RHBDD3: variants seen among roughly 807,000 people sequenced by gnomAD.
RHBDD3 encodes rhomboid domain-containing protein 3.
Under a neutral mutation model 32.3 loss-of-function variants are expected in RHBDD3, and 34 were observed. The ratio of observed to expected loss-of-function variants is 1.05; its 90% CI spans 0.80 to 1.40. The LOEUF (loss-of-function observed/expected upper bound fraction) is 1.40, where lower values mean the gene tolerates loss of function less well. RHBDD3 is among the 40% of genes most tolerant of loss of function. RHBDD3 has a pLI of 0.00. For synonymous variants in RHBDD3, 249 were observed against 239.1 expected, an observed-to-expected ratio of 1.04 and a Z score of -0.38; for missense variants, 482 against 492.6, an observed-to-expected ratio of 0.98 and a Z score of 0.20.
intron 3 of RHBDD3, chr22:29,265,237 G>C (rs1433231515): frequency 7.7e-6 from 3 of 388,100 alleles, no homozygotes; most frequent in Non-Finnish European, 1.4e-5. Flanking sequence ...AAAGCTGCTA[G>C]AAAGGGAAAC....
rs1285936612 is a variant in RHBDD3 at position 29,260,248 on chromosome 22, T to TG, written c.984-12dup. On this transcript the variant is annotated splice_polypyrimidine_tract_variant and intron_variant, in intron 6 of 6. Coordinates refer to ENST00000216085, the MANE Select transcript of RHBDD3 (RefSeq NM_012265.3). ...TCCAGCTGCTGCAGCCTGTTGGGGG[T>TG]GGGGGGAGAAGTGGGGAGTGTCAGG... is the stretch of plus-strand genomic sequence containing the variant. The TG allele has an allele frequency of 1.2e-6, 2 of 1,601,332 alleles. No individual in the cohort carries two copies. Among genetic ancestry groups the TG allele is most frequent in the Non-Finnish European group, 1.7e-6 (2 of 1,174,782 alleles).
At chr22:29,268,002 C>G (rs887502628), upstream of RHBDD3, 2 of 407,308 alleles carry the variant, frequency 4.9e-6, no homozygotes, top group Non-Finnish European at 4.6e-6. Context: ...CTTCAGCGAC[C>G]GTCCCTAGAG....
chr22:29,263,685 C>T (rs1406253615), intron 4 of RHBDD3, 150 bp downstream of exon 4: 3 of 1,368,326 alleles, frequency 2.2e-6, no homozygotes, highest in Non-Finnish European at 2.9e-6. Context: ...AGAGCATGTC[C>T]CAGAGGAAGA....
At chr22:29,261,001 A>G in intron 4 of RHBDD3, 137 bp from the exon 5 acceptor site, 1 of 863,500 alleles carries the variant, frequency 1.2e-6, no homozygotes, top group Non-Finnish European at 1.7e-6. Flanking sequence ...CCAGCATGGA[A>G]TAGCGTCACC....
rs2058151559 is a variant in RHBDD3, at chr22:29,264,166, G to A, written c.201C>T (p.Leu67=). 2.5e-6 allele frequency: 4 copies of A among 1,584,772 alleles called. No homozygotes were observed. Among genetic ancestry groups the A allele is most frequent in the Non-Finnish European group, 1.7e-6 (2 of 1,167,064 alleles). Residue 67 remains leucine (L), a synonymous_variant, in exon 4 of 7, where the codon CTC becomes CTT. Transcript: ENST00000216085. ...ALGHTALPGL[L]LSLLLLPTVG... ...CAGTGGGCAGGAGCAGCAGGCTCAG[G>A]AGCAGGCCTGGCAGGGCCGTGTGGC...
At position 29,265,660 on chromosome 22, in the gene RHBDD3, G is replaced by A; in HGVS notation, c.-34C>T. The A allele has an allele frequency of 6.4e-7, 1 of 1,553,014 alleles. No individual in the cohort carries two copies. Among genetic ancestry groups the A allele is most frequent in the South Asian group, 1.2e-5 (1 of 81,270 alleles). On this transcript the variant is annotated 5_prime_UTR_variant, in exon 3 of 7. Coordinates refer to ENST00000216085, the MANE Select transcript of RHBDD3 (RefSeq NM_012265.3). ...TGAGGACGGTCAAGGGTGGTCCTGG[G>A]GCTGTGTGCTGGGGATAAAAGAAAA...
At chr22:29,264,854 T>C (rs955031500) in intron 3 of RHBDD3, among the ~76,000 whole-genome samples, 1 of 152,088 alleles carries the variant, frequency 6.6e-6, no homozygotes, top group Non-Finnish European at 1.5e-5. Context: ...CTTGGCTCAC[T>C]GCAAGCTCCG....
rs1350690637 is a variant in RHBDD3 at position 29,260,245 on chromosome 22, G to A, written c.984-8C>T. The A allele has an allele frequency of 1.2e-6, 2 of 1,602,030 alleles. No homozygotes were observed. The highest frequency in any genetic ancestry group is 1.7e-6 in the Non-Finnish European group (2 of 1,175,100). On this transcript the variant is annotated splice_polypyrimidine_tract_variant and splice_region_variant and intron_variant, in intron 6 of 6. Coordinates refer to ENST00000216085, the MANE Select transcript of RHBDD3 (RefSeq NM_012265.3). ...CGCTCCAGCTGCTGCAGCCTGTTGG[G>A]GGTGGGGGGAGAAGTGGGGAGTGTC...
At chr22:29,262,230 C>T (rs939346426) in intron 4 of RHBDD3, among the ~76,000 whole-genome samples, 2 of 146,756 alleles carry the variant, frequency 1.4e-5, no homozygotes, top group Admixed American at 7.0e-5. Flanking sequence ...AACCTCTCTC[C>T]TGGGTTCCAG....
At chr22:29,260,913 AG>A in intron 4 of RHBDD3, 49 bp from the exon 5 acceptor site, 1 of 1,491,060 alleles carries the variant, frequency 6.7e-7, no homozygotes, top group South Asian at 1.4e-5. Context: ...AAAAGCAGCC[AG>A]GGGTGGGCCC....
At chr22:29,265,751 C>A in intron 2 of RHBDD3, 83 bp from the exon 3 acceptor site, 2 of 1,336,102 alleles carry the variant, frequency 1.5e-6, no homozygotes, top group Non-Finnish European at 2.0e-6. Context: ...ATCAACAGCC[C>A]TATTTTACAG....
chr22:29,265,904 G>A (rs1013374349), intron 2 of RHBDD3, among the ~76,000 whole-genome samples: 1 of 152,034 alleles, frequency 6.6e-6, no homozygotes, highest in African/African-American at 2.4e-5. Context: ...AGACTTCTGA[G>A]TCCTGATAGG....
rs997039012 is a variant in RHBDD3, at chr22:29,263,925, ACAGCCACGGTGG to A, written c.430_441del (p.Pro144_Leu147del). 2.6e-6 allele frequency: 4 copies of A among 1,549,938 alleles called. No homozygotes were observed. Among genetic ancestry groups the A allele is most frequent in the South Asian group, 1.2e-5 (1 of 84,048 alleles). ...GTCAGGGCAAGCAGCAGCCACGGCG[ACAGCCACGGTGG>A]CAGTGCCCCACGGGGCCGTCTAGGG... On this transcript the variant is annotated inframe_deletion, in exon 4 of 7. Coordinates refer to ENST00000216085, the MANE Select transcript of RHBDD3 (RefSeq NM_012265.3).
At position 29,260,249 on chromosome 22, in the gene RHBDD3, G is replaced by C. The variant is rs199633936; in HGVS notation, c.984-12C>G. 1.7e-4 allele frequency: 276 copies of C among 1,601,628 alleles called. 1 individual carries two copies. The East Asian group carries it at 5.2e-3, about 30-fold the overall frequency. Reference sequence around the variant, plus strand: ...CCAGCTGCTGCAGCCTGTTGGGGGTGGGGGGAGAAGTGGGGAGTGTCAGGG... The same window carrying C: ...CCAGCTGCTGCAGCCTGTTGGGGGTCGGGGGAGAAGTGGGGAGTGTCAGGG... On this transcript the variant is annotated splice_polypyrimidine_tract_variant and intron_variant, in intron 6 of 6. Transcript: ENST00000216085.
intron 4 of RHBDD3, chr22:29,261,400 C>G (rs1331374637): frequency 2.2e-6 from 1 of 457,722 alleles, no homozygotes; most frequent in Admixed American, 2.4e-5. Flanking sequence ...AGTTCAAGAC[C>G]AGCCTGGGCA....
rs1219627945 is a variant in RHBDD3, at chr22:29,267,932, C to G, written c.-379G>C. The G allele has an allele frequency of 3.5e-6, 1 of 286,240 alleles. No individual in the cohort carries two copies. The highest frequency in any genetic ancestry group is 6.8e-6 in the Non-Finnish European group (1 of 147,716). The allele number at this position is 286,240 out of a possible 1,614,324, so 17.7% of individuals were successfully genotyped here. On this transcript the variant is annotated 5_prime_UTR_variant, in exon 1 of 7. Coordinates refer to ENST00000216085, the MANE Select transcript of RHBDD3 (RefSeq NM_012265.3). ...GCCCGCGGATTAGTCAGCAGTTGTT[C>G]TAGTCCGGGTCCCTTCCCCCAGCCC...
intron 4 of RHBDD3, chr22:29,261,289 C>T (rs1453566467): frequency 2.1e-6 from 1 of 479,304 alleles, no homozygotes; most frequent in Non-Finnish European, 4.3e-6. Context: ...CACTGTTTTC[C>T]CCGATAGGTA....
At position 29,260,029 on chromosome 22, in the gene RHBDD3, G is replaced by C. The variant is rs2058090387; in HGVS notation, c.*31C>G. The C allele has an allele frequency of 6.5e-7, 1 of 1,547,190 alleles. No homozygotes were observed. Among genetic ancestry groups the C allele is most frequent in the Non-Finnish European group, 8.7e-7 (1 of 1,146,004 alleles). On this transcript the variant is annotated 3_prime_UTR_variant, in exon 7 of 7. Coordinates refer to ENST00000216085, the MANE Select transcript of RHBDD3 (RefSeq NM_012265.3). The stretch of plus-strand genomic sequence containing the variant: ...ATGCAGCCCAGCCCTTAGCACCCAA[G>C]GGCCTGCCTGTGCCCCACTCTCTGC...
Position 29,267,570 on chromosome 22 carries a change from T to G in RHBDD3, c.-187A>C, listed in dbSNP as rs2058244556. The G allele has an allele frequency of 6.5e-6, 1 of 152,878 alleles. No individual in the cohort carries two copies. The allele number at this position is 152,878 out of a possible 1,614,324, so 9.5% of individuals were successfully genotyped here. A position where few individuals can be genotyped will look rare whatever the true frequency, so the allele number is the denominator to read the frequency against. On this transcript the variant is annotated 5_prime_UTR_variant, in exon 2 of 7. Coordinates refer to ENST00000216085, the MANE Select transcript of RHBDD3 (RefSeq NM_012265.3). ...ATACTCAATTTCCTTGGGCCTCAGT[T>G]TCCCCTTCTGTAGAAACAAGGATAT... is the stretch of plus-strand genomic sequence containing the variant.
Sources: allele counts gnomAD v4.1 joint callset (sites outside exome capture counted in the v4.1 genomes callset), GRCh38; gene constraint gnomAD v4.1.1; transcripts MANE v1.5; gene names NCBI Gene and HGNC (gene_info 2026-07-23, HGNC 2026-07-21).